The following MVB12B variants were observed in gnomAD, a reference collection of about 807,000 sequenced individuals.
The protein encoded by MVB12B is ESCRT-I complex subunit MVB12B.
MVB12B carries 16 observed loss-of-function variants against 41.6 expected under a neutral mutation model. That is an observed-to-expected ratio of 0.38 (90% CI 0.26 to 0.58). MVB12B has a LOEUF of 0.58. Ranked by LOEUF, MVB12B falls within the 20% of genes least tolerant of loss-of-function variation. The probability of loss-of-function intolerance (pLI) is 0.62; values close to 1 mark genes in which losing one functional copy is unlikely to be tolerated. For synonymous variants in MVB12B, 133 were observed against 139.7 expected (o/e 0.95, Z 0.34); for missense variants, 274 against 380.2 (o/e 0.72, Z 2.32).
At chr9:126,402,911 G>A (rs990496224) in intron 6 of MVB12B, among the ~76,000 whole-genome samples, 3 of 152,236 alleles carry the variant, frequency 2.0e-5, no homozygotes, top group Middle Eastern at 3.2e-3. Flanking sequence ...ACGTCAGCAC[G>A]GGGGTGTGAA....
At chr9:126,350,796 A>G (rs1564285141) in intron 2 of MVB12B, among the ~76,000 whole-genome samples, 1 of 152,226 alleles carries the variant, frequency 6.6e-6, no homozygotes, top group Non-Finnish European at 1.5e-5. Context: ...GGATTTTTTG[A>G]GGGGACGTTC....
At chr9:126,455,408 G>C (rs1832962206) in intron 7 of MVB12B, among the ~76,000 whole-genome samples, 1 of 151,804 alleles carries the variant, frequency 6.6e-6, no homozygotes, top group African/African-American at 2.4e-5. Flanking sequence ...GGATGGTCTC[G>C]ATCGATTTAC....
intron 2 of MVB12B, among the ~76,000 whole-genome samples, chr9:126,378,195 G>A (rs536307137): frequency 5.9e-5 from 9 of 152,372 alleles, no homozygotes; most frequent in African/African-American, 1.9e-4. Context: ...TTTCTGCAGT[G>A]CCGCCAGGTG....
intron 6 of MVB12B, among the ~76,000 whole-genome samples, chr9:126,401,085 T>C (rs1831255917): frequency 6.6e-6 from 1 of 152,190 alleles, no homozygotes; most frequent in Non-Finnish European, 1.5e-5. Flanking sequence ...GAGAAGCTGC[T>C]GCCCAAACTC....
intron 2 of MVB12B, among the ~76,000 whole-genome samples, chr9:126,355,726 T>C (rs1829863383): frequency 6.6e-6 from 1 of 152,198 alleles, no homozygotes; most frequent in African/African-American, 2.4e-5. Context: ...GCCCACTGTT[T>C]CAGTGATTGC....
At chr9:126,443,715 G>A (rs894488177) in intron 7 of MVB12B, among the ~76,000 whole-genome samples, 2 of 152,168 alleles carry the variant, frequency 1.3e-5, no homozygotes, top group African/African-American at 4.8e-5. Context: ...TTTTAAGTCA[G>A]ATTTATTGAA....
In MVB12B at chr9:126,484,041, G is replaced by A. The variant is rs201721151; in HGVS notation, c.873+9G>A. On this transcript the variant is annotated intron_variant, in intron 9 of 9. Coordinates refer to ENST00000361171, the MANE Select transcript of MVB12B (RefSeq NM_033446.3). The stretch of plus-strand genomic sequence containing the variant: ...CAGAAATCGAAAAAGAGGTAAGCAA[G>A]CCATCAGGGGAGGGGAGGGCAGGCC... 12 of 1,613,898 alleles carry A rather than the reference G, an allele frequency of 7.4e-6. No homozygotes were observed. In the African/African-American group the frequency reaches 1.6e-4, roughly 22 times the overall value.
At chr9:126,381,965 G>T (rs997752148) in intron 3 of MVB12B, among the ~76,000 whole-genome samples, 1 of 151,668 alleles carries the variant, frequency 6.6e-6, no homozygotes, top group Non-Finnish European at 1.5e-5. Context: ...GGGAGCAGTT[G>T]GGATTTTCAT....
rs140103717 is a variant in MVB12B at position 126,472,162 on chromosome 9, C to T, written c.758-9207C>T. On this transcript the variant is annotated intron_variant, in intron 7 of 9. Coordinates refer to ENST00000361171, the MANE Select transcript of MVB12B (RefSeq NM_033446.3). ...CCGGGGCAATGGGTGGTCCTAAGTC[C>T]GGAGCCTTGGGAGTTGGTCAGTGGT... 6.0e-3 allele frequency among the ~76,000 whole-genome samples: 911 copies of T among 152,022 alleles called. 2 individuals carry two copies. Among genetic ancestry groups the T allele is most frequent in the Non-Finnish European group, 8.0e-3 (546 of 67,996 alleles).
At chr9:126,381,322 A>G (rs1830628663) in intron 3 of MVB12B, 151 bp downstream of exon 3, 3 of 628,202 alleles carry the variant, frequency 4.8e-6, no homozygotes, top group Non-Finnish European at 8.5e-6. Flanking sequence ...ATCAGCAGCC[A>G]GCACTGTGTT....
intron 7 of MVB12B, among the ~76,000 whole-genome samples, chr9:126,425,621 T>C (rs530263910): frequency 1.3e-4 from 20 of 152,330 alleles, no homozygotes; most frequent in Admixed American, 1.0e-3. Flanking sequence ...TGATTTTTTT[T>C]CCCTGTTATG....
At chr9:126,457,116 A>G (rs532204046) in intron 7 of MVB12B, among the ~76,000 whole-genome samples, 35 of 152,286 alleles carry the variant, frequency 2.3e-4, no homozygotes, top group African/African-American at 7.7e-4. Context: ...CTCCCAGAGT[A>G]GAGCTGAGCT....
At chr9:126,328,776 CT>C (rs372324859) in intron 1 of MVB12B, among the ~76,000 whole-genome samples, 8,393 of 150,220 alleles carry the variant, frequency 0.056, 247 homozygotes, top group Middle Eastern at 0.079. Context: ...TTTCTGTCTG[CT>C]TTTTTTTTGG....
At chr9:126,446,806 C>A (rs1239554445) in intron 7 of MVB12B, among the ~76,000 whole-genome samples, 1 of 151,290 alleles carries the variant, frequency 6.6e-6, no homozygotes, top group African/African-American at 2.4e-5. Context: ...TTTTCTCTCT[C>A]TTTTTCTTGG....
chr9:126,377,962 G>A (rs201331436), intron 2 of MVB12B, among the ~76,000 whole-genome samples: 123 of 152,326 alleles, frequency 8.1e-4, no homozygotes, highest in African/African-American at 2.9e-3. Context: ...TTGCATGTTC[G>A]TGGGCTCCTG....
In MVB12B at chr9:126,421,963, C is replaced by T. The variant is rs200287586; in HGVS notation, c.757+15C>T. 13 of 1,583,786 alleles carry T rather than the reference C, an allele frequency of 8.2e-6. No individual in the cohort carries two copies. The highest frequency in any genetic ancestry group is 1.7e-5 in the Admixed American group (1 of 59,968). On this transcript the variant is annotated intron_variant, in intron 7 of 9. Transcript: ENST00000361171. The stretch of plus-strand genomic sequence containing the variant: ...TGCCATATCAGGTATGTGGAGCCAC[C>T]GCTGCAGGCCAGCTACAGAGTCTGT...
At chr9:126,355,666 T>C (rs1010098021) in intron 2 of MVB12B, among the ~76,000 whole-genome samples, 2 of 152,216 alleles carry the variant, frequency 1.3e-5, no homozygotes, top group African/African-American at 4.8e-5. Flanking sequence ...CAGAATGTTT[T>C]TAGGCCGCAT....
chr9:126,359,684 C>T (rs1439410937), intron 2 of MVB12B, among the ~76,000 whole-genome samples: 1 of 152,060 alleles, frequency 6.6e-6, no homozygotes, highest in African/African-American at 2.4e-5. Flanking sequence ...TAAAGCTGTT[C>T]AAAATATTTC....
Position 126,483,987 on chromosome 9 carries a change from TCTC to T in MVB12B, c.831_833del (p.Leu278del). The T allele has an allele frequency of 6.2e-7, 1 of 1,614,092 alleles. No homozygotes were observed. On this transcript the variant is annotated inframe_deletion, in exon 9 of 10. Coordinates refer to ENST00000361171, the MANE Select transcript of MVB12B (RefSeq NM_033446.3). ...TGTGTTTTCAGATGCAGCCCTTTGATCTCCTGGGAATCACCATCAAATCTCTAG... is the reference window on the plus strand; with the variant it reads ...TGTGTTTTCAGATGCAGCCCTTTGATCTGGGAATCACCATCAAATCTCTAG...
Sources: gnomAD v4.1 joint callset for allele counts (sites outside exome capture counted in the v4.1 genomes callset) on GRCh38, gnomAD v4.1.1 for gene constraint, MANE v1.5 for transcripts, NCBI Gene and HGNC (gene_info 2026-07-23, HGNC 2026-07-21) for gene names.